The following SGCD variants were observed in gnomAD, a reference collection of about 807,000 sequenced individuals.
SGCD encodes sarcoglycan delta.
Under a neutral mutation model 36.6 loss-of-function variants are expected in SGCD, and 18 were observed. The observed-to-expected ratio is 0.49, with a 90% confidence interval of 0.34 to 0.73. The LOEUF (loss-of-function observed/expected upper bound fraction) is 0.73. Among genes scored for constraint, SGCD ranks in the 30% least tolerant of loss-of-function variants. The pLI, the probability that SGCD is intolerant of heterozygous loss-of-function variation, is 0.01. For synonymous variants in SGCD, 133 were observed against 130.6 expected, an observed-to-expected ratio of 1.02 and a Z score of -0.12; for missense variants, 387 against 346.7, an observed-to-expected ratio of 1.12 and a Z score of -0.92.
intron 3 of SGCD, among the ~76,000 whole-genome samples, chr5:156,348,239 G>A (rs1250505056): frequency 6.6e-6 from 1 of 151,882 alleles, no homozygotes; most frequent in African/African-American, 2.4e-5. Context: ...AATATATGTA[G>A]GGGAAGTCCT....
At chr5:156,328,002 G>A (rs180914655) in intron 1 of SGCD, among the ~76,000 whole-genome samples, 41 of 152,288 alleles carry the variant, frequency 2.7e-4, no homozygotes, top group African/African-American at 9.9e-4. Context: ...TCTTCTTAAA[G>A]GACAGAGACA....
intron 2 of SGCD, among the ~76,000 whole-genome samples, chr5:156,337,180 A>G (rs1437403083): frequency 3.3e-5 from 5 of 152,230 alleles, no homozygotes; most frequent in Non-Finnish European, 5.9e-5. Context: ...GGATGATTCA[A>G]AATGGCTTAG....
intron 3 of SGCD, among the ~76,000 whole-genome samples, chr5:156,291,296 G>A (rs928731596): frequency 6.6e-6 from 1 of 152,010 alleles, no homozygotes; most frequent in South Asian, 2.1e-4. Flanking sequence ...CAAGGTGATC[G>A]ACATCCCAAA....
intron 3 of SGCD, among the ~76,000 whole-genome samples, chr5:156,313,389 C>T (rs564264236): frequency 6.6e-6 from 1 of 151,924 alleles, no homozygotes; most frequent in African/African-American, 2.4e-5. Context: ...TGCTTTTTCT[C>T]TGGAAGTAGT....
intron 7 of SGCD, among the ~76,000 whole-genome samples, chr5:156,669,182 T>C (rs1442190276): frequency 6.6e-6 from 1 of 152,130 alleles, no homozygotes; most frequent in Non-Finnish European, 1.5e-5. Context: ...CCAGACCTCA[T>C]GGTCTACCCA....
rs1330398244 is a variant in SGCD at position 156,558,088 on chromosome 5, A to AATGTATAT, written c.295-31141_295-31140insGTATATAT. On this transcript the variant is annotated intron_variant, in intron 4 of 8. Coordinates refer to ENST00000337851, the MANE Select transcript of SGCD (RefSeq NM_000337.6). ...ACTGAGTGTGTTATTAGTAAATACA[A>AATGTATAT]ATATATATATATATATATATATATA... Among the ~76,000 whole-genome samples the AATGTATAT allele has an allele frequency of 8.6e-3, 822 of 95,566 alleles. 29 individuals carry two copies. Among genetic ancestry groups the AATGTATAT allele is most frequent in the African/African-American group, 0.031 (782 of 25,330 alleles). The allele number at this position is 95,566 out of a possible 152,430, so 62.7% of individuals were successfully genotyped here.
chr5:156,156,916 T>C (rs1379230942), intron 3 of SGCD, among the ~76,000 whole-genome samples: 1 of 151,646 alleles, frequency 6.6e-6, no homozygotes, highest in Non-Finnish European at 1.5e-5. Context: ...TCCAAGAAAG[T>C]AGAAACTGTC....
chr5:155,806,959 A>G, the SGCD span, among the ~76,000 whole-genome samples: 5 of 152,342 alleles, frequency 3.3e-5, no homozygotes, highest in African/African-American at 9.6e-5. Context: ...GGCATATACT[A>G]TGTCAACACT....
intron 1 of SGCD, among the ~76,000 whole-genome samples, chr5:155,946,121 TG>T (rs1215405335): frequency 6.6e-6 from 1 of 152,128 alleles, no homozygotes; most frequent in Non-Finnish European, 1.5e-5. Flanking sequence ...TGGTGGTCAC[TG>T]GGGTAAGAAA....
intron 6 of SGCD, among the ~76,000 whole-genome samples, chr5:156,631,125 A>C (rs867962720): frequency 3.3e-5 from 5 of 152,330 alleles, no homozygotes; most frequent in Middle Eastern, 3.4e-3. Context: ...TAATCTACTT[A>C]CTGCTGCCTT....
chr5:156,238,202 C>G (rs1765214749), intron 3 of SGCD, among the ~76,000 whole-genome samples: 1 of 152,170 alleles, frequency 6.6e-6, no homozygotes, highest in African/African-American at 2.4e-5. Context: ...CTTAGCCTTC[C>G]AAAGTGCTGA....
At chr5:155,859,304 TGATTCTCCCACC>T in the SGCD span, among the ~76,000 whole-genome samples, 1 of 152,076 alleles carries the variant, frequency 6.6e-6, no homozygotes, top group African/African-American at 2.4e-5. Flanking sequence ...TGGGCTCAAG[TGATTCTCCCACC>T]TTGGCCTCCC....
chr5:155,811,623 A>G, the SGCD span, among the ~76,000 whole-genome samples: 1 of 152,154 alleles, frequency 6.6e-6, no homozygotes, highest in Non-Finnish European at 1.5e-5. Flanking sequence ...TTATTGCGGG[A>G]TCTGGCCAGC....
chr5:156,194,414 T>C (rs900701009), intron 3 of SGCD, among the ~76,000 whole-genome samples: 1 of 152,120 alleles, frequency 6.6e-6, no homozygotes, highest in African/African-American at 2.4e-5. Flanking sequence ...GAAAAAATAC[T>C]GTGTAAAAAG....
chr5:156,330,016 C>CAA (rs758475764), intron 2 of SGCD, among the ~76,000 whole-genome samples: 12,127 of 57,050 alleles, frequency 0.21, 1,537 homozygotes, highest in Non-Finnish European at 0.25. Context: ...GATTCAGTCT[C>CAA]AAAAAAAAAA....
Position 156,727,189 on chromosome 5 carries a change from A to T in SGCD, c.576-30392A>T, listed in dbSNP as rs112504537. On this transcript the variant is annotated intron_variant, in intron 7 of 8. Transcript: ENST00000337851. ...GGTGAGGGTCAATGGATAGAAAATA[A>T]CTAAGAGGAAGCATCAGGGGTGAGG... 6.7e-3 allele frequency among the ~76,000 whole-genome samples: 1,021 copies of T among 152,308 alleles called. 5 individuals carry two copies. The highest frequency in any genetic ancestry group is 0.041 in the Middle Eastern group (12 of 294).
chr5:156,285,254 G>A (rs1179035501), intron 3 of SGCD, among the ~76,000 whole-genome samples: 1 of 152,070 alleles, frequency 6.6e-6, no homozygotes, highest in African/African-American at 2.4e-5. Context: ...CTGCCCAAGG[G>A]AATTTATGGA....
chr5:155,816,213 G>A, the SGCD span, among the ~76,000 whole-genome samples: 1 of 152,056 alleles, frequency 6.6e-6, no homozygotes, highest in Non-Finnish European at 1.5e-5. Flanking sequence ...ACAAGTTAGA[G>A]GTGCCAACCC....
chr5:156,262,629 C>T (rs1465291784), intron 3 of SGCD, among the ~76,000 whole-genome samples: 2 of 151,936 alleles, frequency 1.3e-5, no homozygotes, highest in Non-Finnish European at 2.9e-5. Flanking sequence ...TTTTGGTGCG[C>T]TCATCACCTG....
Sources: allele counts gnomAD v4.1 joint callset (sites outside exome capture counted in the v4.1 genomes callset), GRCh38; gene constraint gnomAD v4.1.1; transcripts MANE v1.5; gene names NCBI Gene and HGNC (gene_info 2026-07-23, HGNC 2026-07-21).